The following HDX variants were observed in gnomAD, a reference collection of about 807,000 sequenced individuals.
The protein encoded by HDX is chromosome X open reading frame 43.
Under a neutral mutation model 45.2 loss-of-function variants are expected in HDX, and 19 were observed. The observed-to-expected ratio is 0.42, with a 90% CI of 0.29 to 0.62. The LOEUF (loss-of-function observed/expected upper bound fraction) is 0.62, where lower values mean the gene tolerates loss of function less well. Among genes scored for constraint, HDX ranks in the 20% least tolerant of loss-of-function variants. HDX has a pLI of 0.20. For synonymous variants in HDX, 188 were observed against 172.8 expected, an observed-to-expected ratio of 1.09 and a Z score of -0.69; for missense variants, 532 against 493.9, an observed-to-expected ratio of 1.08 and a Z score of -0.73.
intron 3 of HDX, among the ~76,000 whole-genome samples, chrX:84,471,301 G>C (rs1371716437): frequency 9.4e-6 from 1 of 106,259 alleles, no homozygotes; most frequent in East Asian, 2.9e-4. Flanking sequence ...ATTTGTCTTG[G>C]AACCAAGGTG....
At chrX:84,390,539 C>T (rs1046467628) in intron 5 of HDX, among the ~76,000 whole-genome samples, 2 of 111,595 alleles carry the variant, frequency 1.8e-5, no homozygotes, top group African/African-American at 6.5e-5. Context: ...GATTTAAGAG[C>T]ACGATTATAA....
chrX:84,364,533 G>A (rs2037699281), intron 5 of HDX, among the ~76,000 whole-genome samples: 3 of 73,134 alleles, frequency 4.1e-5, no homozygotes, highest in South Asian at 1.9e-3. Flanking sequence ...ATGGAGTCTC[G>A]CTCTGTCGCC....
Position 84,336,854 on chromosome X carries a change from C to T in HDX, c.1687G>A (p.Asp563Asn). 1 of 1,185,488 alleles carries T rather than the reference C, an allele frequency of 8.4e-7. No homozygotes were observed. The highest frequency in any genetic ancestry group is 1.1e-6 in the Non-Finnish European group (1 of 876,505). The change falls in exon 8 of 11, where the codon GAT becomes AAT. Residue 563 changes from aspartate (D) to asparagine (N), a missense_variant. By Grantham distance (23) the Asp-to-Asn change is conservative. Coordinates refer to ENST00000373177, the MANE Select transcript of HDX (RefSeq NM_001177479.2). ...TCCTCTTCCTTATGAGCCCTTGCAT[C>T]ATTCGGAACAACTTCATTGGGCTCT... Reference protein sequence around the residue: ...QEEPNEVVPNDARAHKEEDHH... With the variant: ...QEEPNEVVPNNARAHKEEDHH...
intron 9 of HDX, among the ~76,000 whole-genome samples, chrX:84,327,535 TA>T (rs1237974256): frequency 9.0e-6 from 1 of 110,942 alleles, no homozygotes; most frequent in African/African-American, 3.3e-5. Context: ...ACCCAATAGA[TA>T]AAAAAAGTAT....
intron 5 of HDX, among the ~76,000 whole-genome samples, chrX:84,381,496 G>T (rs1421525001): frequency 9.0e-6 from 1 of 110,997 alleles, no homozygotes; most frequent in Non-Finnish European, 1.9e-5. Flanking sequence ...ATAAGAAATA[G>T]ACATGTAGAG....
At chrX:84,415,420 A>G (rs2039081173) in intron 5 of HDX, among the ~76,000 whole-genome samples, 1 of 111,591 alleles carries the variant, frequency 9.0e-6, no homozygotes, top group Non-Finnish European at 1.9e-5. Context: ...TAATGGTAGC[A>G]TTGGTTCCTG....
intron 5 of HDX, among the ~76,000 whole-genome samples, chrX:84,411,512 G>A (rs182208965): frequency 8.9e-6 from 1 of 111,742 alleles, no homozygotes; most frequent in Non-Finnish European, 1.9e-5. Context: ...TTATTGCACT[G>A]TGATCCTAGA....
At chrX:84,410,308 T>C (rs1428275800) in intron 5 of HDX, among the ~76,000 whole-genome samples, 1 of 111,202 alleles carries the variant, frequency 9.0e-6, no homozygotes, top group Non-Finnish European at 1.9e-5. Context: ...ATGGCTCCTA[T>C]TATTTTGAGT....
intron 2 of HDX, among the ~76,000 whole-genome samples, chrX:84,481,961 T>G (rs2040689356): frequency 1.8e-5 from 2 of 111,687 alleles, no homozygotes; most frequent in South Asian, 7.5e-4. Context: ...AATGAAAACG[T>G]GTGTTATTTG....
chrX:84,324,023 G>A (rs1038169976), intron 10 of HDX, among the ~76,000 whole-genome samples: 3 of 112,251 alleles, frequency 2.7e-5, no homozygotes, highest in Admixed American at 9.4e-5. Flanking sequence ...CTAGGAACAC[G>A]CAGTGAATTA....
chrX:84,366,693 A>C (rs5922043), intron 5 of HDX, among the ~76,000 whole-genome samples: 1 of 109,651 alleles, frequency 9.1e-6, no homozygotes, highest in Non-Finnish European at 1.9e-5. Context: ...TCTACAACCA[A>C]CTGATCTTTG....
intron 5 of HDX, among the ~76,000 whole-genome samples, chrX:84,421,362 G>A (rs768488005): frequency 2.1e-4 from 23 of 111,351 alleles, no homozygotes; most frequent in Non-Finnish European, 4.0e-4. Context: ...TTGTTATCAG[G>A]TTAAAATAAT....
At chrX:84,323,581 T>C (rs1218449053) in intron 10 of HDX, among the ~76,000 whole-genome samples, 1 of 111,885 alleles carries the variant, frequency 8.9e-6, no homozygotes, top group Non-Finnish European at 1.9e-5. Context: ...TATTATTTAT[T>C]TCTTTGTTAC....
intron 4 of HDX, among the ~76,000 whole-genome samples, chrX:84,450,111 A>G (rs182306343): frequency 3.8e-4 from 43 of 111,822 alleles, no homozygotes; most frequent in African/African-American, 1.4e-3. Flanking sequence ...ATAATAAAAA[A>G]AAAGGAAGGA....
intron 4 of HDX, among the ~76,000 whole-genome samples, chrX:84,446,390 T>C (rs1425567792): frequency 8.9e-6 from 1 of 112,011 alleles, no homozygotes; most frequent in African/African-American, 3.2e-5. Context: ...CAGAGATCAG[T>C]TCATCAAACA....
intron 9 of HDX, among the ~76,000 whole-genome samples, chrX:84,328,446 C>T (rs1397027843): frequency 9.0e-6 from 1 of 111,237 alleles, no homozygotes; most frequent in Non-Finnish European, 1.9e-5. Flanking sequence ...AATAAAACCA[C>T]ATATTGGGAG....
chrX:84,339,483 G>A (rs1011652254), intron 7 of HDX, among the ~76,000 whole-genome samples: 3 of 111,355 alleles, frequency 2.7e-5, no homozygotes, highest in Non-Finnish European at 5.7e-5. Flanking sequence ...TACATGGTTT[G>A]ATTATTTTGG....
chrX:84,355,193 CTTTA>C (rs749032569), intron 6 of HDX, among the ~76,000 whole-genome samples: 69 of 109,405 alleles, frequency 6.3e-4, no homozygotes, highest in African/African-American at 2.1e-3. Context: ...TTTCTATGAA[CTTTA>C]TTTAAGTCCC....
chrX:84,364,491 CTTTTTTTTTTTTTTT>C (rs1169466223), intron 5 of HDX, among the ~76,000 whole-genome samples: 2 of 48,238 alleles, frequency 4.1e-5, no homozygotes, highest in Non-Finnish European at 6.8e-5. Context: ...AGTTATTCAC[CTTTTTTTTTTTTTTT>C]TTTTTTTTTT....
Sources: gnomAD v4.1 joint callset for allele counts (sites outside exome capture counted in the v4.1 genomes callset) on GRCh38, gnomAD v4.1.1 for gene constraint, MANE v1.5 for transcripts, NCBI Gene and HGNC (gene_info 2026-07-23, HGNC 2026-07-21) for gene names.